Variants in GMDS observed in about 807,000 individuals in gnomAD.
The protein encoded by GMDS is GDP-mannose 4,6-dehydratase.
GMDS carries 20 observed loss-of-function variants against 49.9 expected under a neutral mutation model. The ratio of observed to expected loss-of-function variants is 0.40; its 90% CI spans 0.28 to 0.58. The LOEUF (loss-of-function observed/expected upper bound fraction) is 0.58. Ranked by LOEUF, GMDS falls within the 20% of genes least tolerant of loss-of-function variation. The pLI, the probability that GMDS is intolerant of heterozygous loss-of-function variation, is 0.42. For synonymous variants in GMDS, 177 were observed against 178.6 expected (o/e 0.99, Z 0.07); for missense variants, 362 against 481.4 (o/e 0.75, Z 2.32).
chr6:2,193,814 C>T (rs1327023720), intron 1 of GMDS, among the ~76,000 whole-genome samples: 1 of 148,382 alleles, frequency 6.7e-6, no homozygotes, highest in Non-Finnish European at 1.5e-5. Flanking sequence ...AGCTCTACCT[C>T]CCAGGTTCAC....
intron 4 of GMDS, among the ~76,000 whole-genome samples, chr6:2,075,369 C>T (rs1258089422): frequency 1.3e-5 from 2 of 152,060 alleles, no homozygotes; most frequent in African/African-American, 2.4e-5. Context: ...GTGCTGCACC[C>T]GTTAACTCGT....
At chr6:1,692,188 G>A (rs927047174) in intron 9 of GMDS, among the ~76,000 whole-genome samples, 3 of 152,228 alleles carry the variant, frequency 2.0e-5, no homozygotes, top group Non-Finnish European at 4.4e-5. Context: ...TGATTTGCCA[G>A]GGGCTCTTGG....
At chr6:1,982,569 C>T (rs1334876195) in intron 4 of GMDS, among the ~76,000 whole-genome samples, 1 of 152,054 alleles carries the variant, frequency 6.6e-6, no homozygotes, top group Non-Finnish European at 1.5e-5. Flanking sequence ...ACTAGCATTC[C>T]TGTACACCAA....
intron 4 of GMDS, among the ~76,000 whole-genome samples, chr6:1,986,745 G>C (rs1004295152): frequency 6.6e-6 from 1 of 152,114 alleles, no homozygotes; most frequent in African/African-American, 2.4e-5. Context: ...TCCACTCATT[G>C]CTATTAATTT....
chr6:1,912,606 G>T (rs1761127984), intron 7 of GMDS, among the ~76,000 whole-genome samples: 1 of 152,100 alleles, frequency 6.6e-6, no homozygotes, highest in Admixed American at 6.5e-5. Flanking sequence ...AAAATACTGT[G>T]GGGTCTTCCT....
chr6:1,978,842 C>T (rs1485724966), intron 4 of GMDS, among the ~76,000 whole-genome samples: 4 of 152,126 alleles, frequency 2.6e-5, no homozygotes, highest in South Asian at 2.1e-4. Flanking sequence ...CCTCCAGGTG[C>T]GTTCAGGCCA....
chr6:2,163,237 C>G (rs554942366), intron 1 of GMDS, among the ~76,000 whole-genome samples: 67 of 140,386 alleles, frequency 4.8e-4, no homozygotes, highest in African/African-American at 1.7e-3. Context: ...TGTCAGAAAT[C>G]CTGTCATCTG....
chr6:2,043,609 G>GT (rs1439994112), intron 4 of GMDS, among the ~76,000 whole-genome samples: 1 of 152,174 alleles, frequency 6.6e-6, no homozygotes, highest in Non-Finnish European at 1.5e-5. Context: ...ATCTGTTTAA[G>GT]TTTTTTAAAT....
intron 4 of GMDS, among the ~76,000 whole-genome samples, chr6:2,046,520 T>C (rs959434159): frequency 3.3e-5 from 5 of 152,174 alleles, no homozygotes; most frequent in Non-Finnish European, 5.9e-5. Flanking sequence ...AGGGCAGTTA[T>C]GCGATCTTTG....
intron 9 of GMDS, among the ~76,000 whole-genome samples, chr6:1,710,882 G>T (rs1024505809): frequency 1.3e-5 from 2 of 152,186 alleles, no homozygotes; most frequent in African/African-American, 4.8e-5. Context: ...GACTTGTGAA[G>T]GGGTTGACTA....
At chr6:2,077,714 A>G (rs1772428364) in intron 4 of GMDS, among the ~76,000 whole-genome samples, 1 of 152,064 alleles carries the variant, frequency 6.6e-6, no homozygotes, top group African/African-American at 2.4e-5. Flanking sequence ...TTGAATCCAT[A>G]TTCATCAAGA....
chr6:1,894,967 C>A (rs1242860611), intron 7 of GMDS, among the ~76,000 whole-genome samples: 1 of 152,164 alleles, frequency 6.6e-6, no homozygotes, highest in African/African-American at 2.4e-5. Flanking sequence ...TGTTCTTTTT[C>A]CCCCTTTAGG....
chr6:2,025,203 A>T (rs1049328379), intron 4 of GMDS, among the ~76,000 whole-genome samples: 3 of 152,156 alleles, frequency 2.0e-5, no homozygotes, highest in African/African-American at 7.2e-5. Flanking sequence ...GAAAGAAGAC[A>T]TTAAAGTTGA....
Position 1,652,417 on chromosome 6 carries a change from A to T in GMDS, c.988-27877T>A, listed in dbSNP as rs1222125019. Among the ~76,000 whole-genome samples, 4 of 20,382 alleles carry T rather than the reference A, an allele frequency of 2.0e-4. 1 individual carries two copies. The highest frequency in any genetic ancestry group is 3.5e-4 in the Non-Finnish European group (4 of 11,348). The allele number at this position is 20,382 out of a possible 152,430, so 13.4% of individuals were successfully genotyped here. On this transcript the variant is annotated intron_variant, in intron 9 of 10. Transcript: ENST00000380815. ...TTATATATATATATATATTATATAT[A>T]ATATATATATAATATATTATATATA...
intron 7 of GMDS, among the ~76,000 whole-genome samples, chr6:1,851,228 T>C (rs1206956495): frequency 6.6e-6 from 1 of 152,218 alleles, no homozygotes; most frequent in East Asian, 1.9e-4. Flanking sequence ...AAAACTTGTA[T>C]GTTTGTCCCA....
intron 4 of GMDS, among the ~76,000 whole-genome samples, chr6:2,016,885 C>A (rs1767935388): frequency 6.6e-6 from 1 of 151,726 alleles, no homozygotes; most frequent in Non-Finnish European, 1.5e-5. Context: ...TAAAACATAT[C>A]AAAAATCAGT....
At position 1,724,666 on chromosome 6, in the gene GMDS, G is replaced by C. The variant is rs977933864; in HGVS notation, c.987+1750C>G. 2.0e-5 allele frequency among the ~76,000 whole-genome samples: 3 copies of C among 152,208 alleles called. No individual in the cohort carries two copies. In the East Asian group the frequency reaches 5.8e-4, roughly 29 times the overall value. On this transcript the variant is annotated intron_variant, in intron 9 of 10. Transcript: ENST00000380815. Reference sequence around the variant, plus strand: ...TGCATAAATATGTGATCTGTGCAATGTTCCAGAAAATTGACATCTCTGTCG... The same window carrying C: ...TGCATAAATATGTGATCTGTGCAATCTTCCAGAAAATTGACATCTCTGTCG...
At chr6:2,233,546 G>A (rs183682616) in intron 1 of GMDS, among the ~76,000 whole-genome samples, 2 of 152,336 alleles carry the variant, frequency 1.3e-5, no homozygotes, top group East Asian at 1.9e-4. Flanking sequence ...AGGGCTTGCC[G>A]TGGTGGCTTA....
At chr6:1,827,076 A>ATGTG (rs1174158101) in intron 7 of GMDS, among the ~76,000 whole-genome samples, 252 of 111,168 alleles carry the variant, frequency 2.3e-3, no homozygotes, top group East Asian at 0.012. Flanking sequence ...AAAAAAATAT[A>ATGTG]TATGTGTGTG....
Sources: allele counts gnomAD v4.1 joint callset (sites outside exome capture counted in the v4.1 genomes callset), GRCh38; gene constraint gnomAD v4.1.1; transcripts MANE v1.5; gene names NCBI Gene and HGNC (gene_info 2026-07-23, HGNC 2026-07-21).